The following TNS3 variants were observed in gnomAD, a reference collection of about 807,000 sequenced individuals.
TNS3 encodes tensin-3.
Under a neutral mutation model 140.9 loss-of-function variants are expected in TNS3, and 45 were observed. That is an observed-to-expected ratio of 0.32 (90% confidence interval 0.25 to 0.41). TNS3 has a LOEUF of 0.41. Ranked by LOEUF, TNS3 falls within the 10% of genes least tolerant of loss-of-function variation. The pLI is 1.00. For missense variants in TNS3, 1,716 were observed against 1,906.7 expected, an observed-to-expected ratio of 0.90 and a Z score of 1.86; for synonymous variants, 815 against 788.4, an observed-to-expected ratio of 1.03 and a Z score of -0.56.
chr7:47,485,904 G>C (rs1438724514), intron 3 of TNS3, among the ~76,000 whole-genome samples: 1 of 152,214 alleles, frequency 6.6e-6, no homozygotes, highest in East Asian at 1.9e-4. Flanking sequence ...AGTCATGACT[G>C]TGTCCTTGGG....
chr7:47,480,881 C>CAAA (rs1266256257), intron 4 of TNS3, among the ~76,000 whole-genome samples: 1 of 152,240 alleles, frequency 6.6e-6, no homozygotes. Flanking sequence ...GCAGCTCCCG[C>CAAA]AAAGGCGCAG....
At chr7:47,307,326 A>G (rs1786817844) in intron 20 of TNS3, among the ~76,000 whole-genome samples, 1 of 152,356 alleles carries the variant, frequency 6.6e-6, no homozygotes, top group South Asian at 2.1e-4. Flanking sequence ...GAATGTATAC[A>G]TAGCTCATTG....
At chr7:47,434,850 T>C (rs1795099118) in intron 8 of TNS3, among the ~76,000 whole-genome samples, 1 of 152,232 alleles carries the variant, frequency 6.6e-6, no homozygotes, top group South Asian at 2.1e-4. Flanking sequence ...TTTACTGCAA[T>C]GGCATCATGC....
intron 16 of TNS3, among the ~76,000 whole-genome samples, chr7:47,395,903 C>T (rs1792802308): frequency 6.6e-6 from 1 of 152,206 alleles, no homozygotes; most frequent in Non-Finnish European, 1.5e-5. Context: ...CAGAGAGGAG[C>T]CATGTGCTGC....
rs1403376158 is a variant in TNS3 at position 47,472,656 on chromosome 7, G to A, written c.-76+8447C>T. Among the ~76,000 whole-genome samples the A allele has an allele frequency of 2.0e-5, 3 of 152,184 alleles. No individual in the cohort carries two copies. In the East Asian group the frequency reaches 5.8e-4, roughly 29 times the overall value. ...GGGACTAGAGGCGTCTAGACCAGAA[G>A]GCGCAGGTGAGCCATGGGAACAGGA... On this transcript the variant is annotated intron_variant, in intron 4 of 30. Coordinates refer to ENST00000311160, the MANE Select transcript of TNS3 (RefSeq NM_022748.12).
intron 27 of TNS3, among the ~76,000 whole-genome samples, chr7:47,284,679 C>G (rs1458480088): frequency 6.6e-6 from 1 of 152,212 alleles, no homozygotes; most frequent in Non-Finnish European, 1.5e-5. Flanking sequence ...TAGGCTTCCT[C>G]CTGAGGAACA....
At chr7:47,383,402 G>T (rs1791889237) in intron 16 of TNS3, among the ~76,000 whole-genome samples, 1 of 152,204 alleles carries the variant, frequency 6.6e-6, no homozygotes, top group Non-Finnish European at 1.5e-5. Flanking sequence ...GAGGAACTGG[G>T]AGTGACCACT....
At chr7:47,288,875 G>A (rs1236462701) in intron 27 of TNS3, among the ~76,000 whole-genome samples, 1 of 152,206 alleles carries the variant, frequency 6.6e-6, no homozygotes, top group Admixed American at 6.5e-5. Flanking sequence ...AGGTCCGCAT[G>A]GCTAAGTGAT....
chr7:47,407,389 C>A lies in TNS3; in HGVS notation c.723+4338G>T, dbSNP rs1326777300. ...TCTGCATGCTCATCTCCCTGAAGGACCCAGACTCCCGGGAGCAGGAGCCCT... is the reference window on the plus strand; with the variant it reads ...TCTGCATGCTCATCTCCCTGAAGGAACCAGACTCCCGGGAGCAGGAGCCCT... On this transcript the variant is annotated intron_variant, in intron 13 of 30. Coordinates refer to ENST00000311160, the MANE Select transcript of TNS3 (RefSeq NM_022748.12). The surrounding 1 kb of genome is among the most constrained non-coding windows in gnomAD (Gnocchi z 4.1). Among the ~76,000 whole-genome samples the A allele has an allele frequency of 6.6e-6, 1 of 152,180 alleles. No homozygotes were observed. The highest frequency in any genetic ancestry group is 1.5e-5 in the Non-Finnish European group (1 of 68,028).
intron 8 of TNS3, among the ~76,000 whole-genome samples, chr7:47,432,361 T>C (rs1794968099): frequency 6.6e-6 from 1 of 152,182 alleles, no homozygotes. Context: ...TGATGCCCCA[T>C]GCAGCCCCAG....
intron 16 of TNS3, among the ~76,000 whole-genome samples, chr7:47,377,071 TTC>T: frequency 6.6e-6 from 1 of 152,304 alleles, no homozygotes; most frequent in South Asian, 2.1e-4. Context: ...AACAGGTAGC[TTC>T]TCCAGACACA....
chr7:47,463,608 A>G (rs559067152), intron 4 of TNS3, among the ~76,000 whole-genome samples: 1 of 152,314 alleles, frequency 6.6e-6, no homozygotes, highest in South Asian at 2.1e-4. Context: ...CTTGCATTTT[A>G]AACAGCATAA....
intron 22 of TNS3, 48 bp from the exon 23 acceptor site, chr7:47,302,320 C>T: frequency 7.0e-7 from 1 of 1,418,980 alleles, no homozygotes; most frequent in Non-Finnish European, 1.0e-6. Context: ...CACTTTTCTT[C>T]TTGCAACCTC....
chr7:47,275,840 C>T lies in TNS3; in HGVS notation c.*2236G>A, dbSNP rs1235614374. 2.4e-5 allele frequency: 11 copies of T among 456,050 alleles called. No individual in the cohort carries two copies. The highest frequency in any genetic ancestry group is 1.0e-4 in the African/African-American group (5 of 50,190). 28.3% of individuals were successfully genotyped at this position (456,050 alleles called of 1,614,324 possible). ...GTTTGCAGGGCTTCCTGAATGCCGTCGAGGCATGGCTTCATGAGGGCCATC... is the reference window on the plus strand; with the variant it reads ...GTTTGCAGGGCTTCCTGAATGCCGTTGAGGCATGGCTTCATGAGGGCCATC... On this transcript the variant is annotated 3_prime_UTR_variant, in exon 31 of 31. Coordinates refer to ENST00000311160, the MANE Select transcript of TNS3 (RefSeq NM_022748.12).
intron 1 of TNS3, among the ~76,000 whole-genome samples, chr7:47,532,611 G>A (rs1799449500): frequency 6.6e-6 from 1 of 152,120 alleles, no homozygotes; most frequent in African/African-American, 2.4e-5. Flanking sequence ...GGTCTCCTCT[G>A]AGCTGTTTAA....
At chr7:47,441,810 G>A (rs747878409) in intron 5 of TNS3, among the ~76,000 whole-genome samples, 193 bp downstream of exon 5, 3 of 152,208 alleles carry the variant, frequency 2.0e-5, no homozygotes, top group Non-Finnish European at 4.4e-5. Flanking sequence ...TACCACCTGG[G>A]CTTCTGACCC....
intron 27 of TNS3, among the ~76,000 whole-genome samples, chr7:47,284,720 A>G (rs1274862547): frequency 1.3e-5 from 2 of 152,164 alleles, no homozygotes; most frequent in Non-Finnish European, 2.9e-5. Flanking sequence ...CCCCTTGTCT[A>G]CTGTATACAT....
intron 4 of TNS3, among the ~76,000 whole-genome samples, chr7:47,479,594 C>T (rs1396212165): frequency 2.0e-5 from 3 of 152,122 alleles, no homozygotes; most frequent in Admixed American, 6.5e-5. Context: ...GCGCCCGCCC[C>T]GGACGGCCTC....
intron 16 of TNS3, among the ~76,000 whole-genome samples, chr7:47,388,296 A>T (rs1188733556): frequency 6.6e-6 from 1 of 152,184 alleles, no homozygotes; most frequent in South Asian, 2.1e-4. Flanking sequence ...TTCGTGGCTC[A>T]GGGTCCCAGG....
Sources: allele counts gnomAD v4.1 joint callset (sites outside exome capture counted in the v4.1 genomes callset), GRCh38; gene constraint gnomAD v4.1.1; non-coding constraint Gnocchi (gnomAD v3.1); transcripts MANE v1.5; gene names NCBI Gene and HGNC (gene_info 2026-07-23, HGNC 2026-07-21).